Variants in ELP6 observed in about 807,000 individuals in gnomAD.
ELP6 encodes the protein elongator acetyltransferase complex subunit 6, also known as elongator complex protein 6.
In ELP6, 23 loss-of-function variants were observed where a neutral mutation model predicts 28.1. The observed-to-expected ratio is 0.82, with a 90% CI of 0.59 to 1.16. The LOEUF is 1.16. Among genes scored for constraint, ELP6 ranks in the 50% most tolerant of loss-of-function variants. The pLI, the probability that ELP6 is intolerant of heterozygous loss-of-function variation, is 0.00. For synonymous variants in ELP6, 132 were observed against 135.8 expected (o/e 0.97, Z 0.19); for missense variants, 313 against 334.6 (o/e 0.94, Z 0.50).
intron 3 of ELP6, among the ~76,000 whole-genome samples, chr3:47,506,475 G>C (rs911915564): frequency 6.6e-6 from 1 of 152,124 alleles, no homozygotes; most frequent in Non-Finnish European, 1.5e-5. Context: ...CCATGCCCAG[G>C]GGGGCCAGTT....
At chr3:47,511,829 C>T (rs1709025480) in intron 1 of ELP6, 3 of 985,786 alleles carry the variant, frequency 3.0e-6, no homozygotes, top group Non-Finnish European at 3.6e-6. Flanking sequence ...CTCCATTCAC[C>T]TCTATTTCTG....
intron 3 of ELP6, among the ~76,000 whole-genome samples, chr3:47,506,465 C>T (rs1299113385): frequency 1.3e-5 from 2 of 152,152 alleles, no homozygotes; most frequent in Non-Finnish European, 2.9e-5. Flanking sequence ...TAGAAGACGG[C>T]CATGCCCAGG....
At chr3:47,496,939 G>C (rs1708495977) in intron 6 of ELP6, 1 of 985,288 alleles carries the variant, frequency 1.0e-6, no homozygotes. Flanking sequence ...CAATGCTCTG[G>C]GGGTCTGGCT....
chr3:47,498,527 A>C (rs1708547221), intron 5 of ELP6, 95 bp from the exon 6 acceptor site: 1 of 1,548,490 alleles, frequency 6.5e-7, no homozygotes, highest in African/African-American at 1.3e-5. Flanking sequence ...TCCCCTGTAC[A>C]TCCTCTCACA....
At chr3:47,503,552 A>G in intron 4 of ELP6, 1 of 584,422 alleles carries the variant, frequency 1.7e-6, no homozygotes, top group Non-Finnish European at 2.6e-6. Flanking sequence ...ACAACATGCA[A>G]ACAAATGAAC....
chr3:47,507,266 C>G (rs1708865464), intron 3 of ELP6, among the ~76,000 whole-genome samples: 1 of 150,586 alleles, frequency 6.6e-6, no homozygotes, highest in Admixed American at 6.7e-5. Flanking sequence ...GAAACTGAGG[C>G]AGGAGAATCA....
chr3:47,512,705 A>G lies in ELP6; in HGVS notation c.54+832T>C, dbSNP rs978804109. 6.1e-6 allele frequency: 6 copies of G among 985,158 alleles called. No homozygotes were observed. In the African/African-American group the frequency reaches 7.0e-5, roughly 11 times the overall value. 61.0% of individuals were successfully genotyped at this position (985,158 alleles called of 1,614,324 possible). A position where few individuals can be genotyped will look rare whatever the true frequency, so the allele number is the denominator to read the frequency against. ...CCCAAGACGGACTTGGTCCAAGCCAATTTGGCTCTGTCCTGCTTCTAACAG... is the reference window on the plus strand; with the variant it reads ...CCCAAGACGGACTTGGTCCAAGCCAGTTTGGCTCTGTCCTGCTTCTAACAG... On this transcript the variant is annotated intron_variant, in intron 1 of 6. Transcript: ENST00000296149.
chr3:47,505,640 T>G (rs963841471), intron 3 of ELP6, among the ~76,000 whole-genome samples: 2 of 151,964 alleles, frequency 1.3e-5, no homozygotes, highest in Non-Finnish European at 2.9e-5. Context: ...GGTGCGATCT[T>G]GGCTCACTGC....
intron 1 of ELP6, chr3:47,512,916 T>G (rs1274025784): frequency 1.0e-6 from 1 of 985,164 alleles, no homozygotes; most frequent in Non-Finnish European, 1.2e-6. Context: ...CCCACCCCAG[T>G]GAACATGCAC....
intron 3 of ELP6, among the ~76,000 whole-genome samples, chr3:47,505,322 A>G (rs1024968861): frequency 2.0e-5 from 3 of 152,278 alleles, no homozygotes; most frequent in African/African-American, 7.2e-5. Context: ...AATGGGATGC[A>G]GAAATTTAGT....
chr3:47,511,698 G>T, intron 1 of ELP6: 1 of 659,722 alleles, frequency 1.5e-6, no homozygotes, highest in Non-Finnish European at 1.9e-6. Context: ...GGAGGAAGAA[G>T]CAGTTGCTGA....
At chr3:47,503,492 G>A in intron 4 of ELP6, 1 of 1,205,274 alleles carries the variant, frequency 8.3e-7, no homozygotes, top group Non-Finnish European at 1.1e-6. Flanking sequence ...TATGGTCTCT[G>A]TCCCAACTAC....
At chr3:47,497,868 T>C (rs1576336674) in intron 6 of ELP6, 10 of 750,052 alleles carry the variant, frequency 1.3e-5, no homozygotes, top group Non-Finnish European at 1.6e-5. Context: ...GAGGCGGAGG[T>C]TGCAGTGAGC....
At chr3:47,507,589 A>C (rs1708877891) in intron 3 of ELP6, among the ~76,000 whole-genome samples, 1 of 148,758 alleles carries the variant, frequency 6.7e-6, no homozygotes, top group Non-Finnish European at 1.5e-5. Context: ...TGAGCTTAGG[A>C]GTTTAAGACC....
chr3:47,498,097 G>T, intron 6 of ELP6, 189 bp downstream of exon 6: 1 of 1,368,146 alleles, frequency 7.3e-7, no homozygotes, highest in Non-Finnish European at 9.7e-7. Flanking sequence ...GGAAAACGTG[G>T]GCTGGTCCAT....
chr3:47,505,955 G>GATATCACTGAT (rs1708822721), intron 3 of ELP6, among the ~76,000 whole-genome samples: 1 of 152,120 alleles, frequency 6.6e-6, no homozygotes, highest in African/African-American at 2.4e-5. Context: ...TGATCCACCT[G>GATATCACTGAT]CCGATATCAG....
chr3:47,511,862 T>C, intron 1 of ELP6: 1 of 985,634 alleles, frequency 1.0e-6, no homozygotes, highest in African/African-American at 1.7e-5. Context: ...AAGGTCAGGA[T>C]CAAGTGATAT....
intron 1 of ELP6, 43 bp from the exon 2 acceptor site, chr3:47,511,269 A>G: frequency 6.2e-7 from 1 of 1,603,508 alleles, no homozygotes; most frequent in Non-Finnish European, 8.5e-7. Flanking sequence ...CTCCCTGGAA[A>G]GAGGTCAGCT....
chr3:47,503,399 A>T lies in ELP6; in HGVS notation c.323+931T>A, dbSNP rs944636984. 9 of 1,289,706 alleles carry T rather than the reference A, an allele frequency of 7.0e-6. No homozygotes were observed. The Admixed American group carries it at 1.8e-4, about 26-fold the overall frequency. The allele number at this position is 1,289,706 out of a possible 1,614,324, so 79.9% of individuals were successfully genotyped here. On this transcript the variant is annotated intron_variant, in intron 4 of 6. Coordinates refer to ENST00000296149, the MANE Select transcript of ELP6 (RefSeq NM_001031703.3). ...GAGGAAAAGCAGGAAAACCAGTCTC[A>T]GGCCTGTGATGTTGAATACCAAACC...
Sources: gnomAD v4.1 joint callset for allele counts (sites outside exome capture counted in the v4.1 genomes callset) on GRCh38, gnomAD v4.1.1 for gene constraint, MANE v1.5 for transcripts, NCBI Gene and HGNC (gene_info 2026-07-23, HGNC 2026-07-21) for gene names.